Variants in GRIN2B observed in about 807,000 individuals in gnomAD.
The protein encoded by GRIN2B is glutamate ionotropic receptor NMDA type subunit 2B.
In GRIN2B, 5 loss-of-function variants were observed where a neutral mutation model predicts 114.5. That is an observed-to-expected ratio of 0.04 (90% CI 0.02 to 0.09). GRIN2B has a LOEUF of 0.09. Ranked by LOEUF, GRIN2B falls within the 10% of genes least tolerant of loss-of-function variation. The pLI is 1.00. For synonymous variants in GRIN2B, 787 were observed against 745.1 expected (o/e 1.06, Z -0.92); for missense variants, 1,108 against 1,943.5 (o/e 0.57, Z 8.08).
intron 3 of GRIN2B, among the ~76,000 whole-genome samples, chr12:13,779,810 C>T (rs754742988): frequency 5.9e-5 from 9 of 152,170 alleles, no homozygotes; most frequent in Non-Finnish European, 1.2e-4. Flanking sequence ...TGCTCAAGCT[C>T]GGGTAAATAA....
intron 4 of GRIN2B, among the ~76,000 whole-genome samples, chr12:13,690,163 G>T (rs887371192): frequency 6.6e-6 from 1 of 151,978 alleles, no homozygotes; most frequent in East Asian, 1.9e-4. Flanking sequence ...CTAGTATCTT[G>T]CTTGTGGTAA....
intron 3 of GRIN2B, among the ~76,000 whole-genome samples, chr12:13,757,226 C>A (rs996577321): frequency 6.6e-6 from 1 of 152,092 alleles, no homozygotes; most frequent in African/African-American, 2.4e-5. Context: ...ATAGCTTGGG[C>A]CAATGTTTCC....
chr12:13,963,656 T>G (rs1401656458), intron 2 of GRIN2B, among the ~76,000 whole-genome samples: 1 of 152,148 alleles, frequency 6.6e-6, no homozygotes, highest in Admixed American at 6.5e-5. Context: ...CCAAAGTCAC[T>G]CGGTGGCAAT....
intron 4 of GRIN2B, among the ~76,000 whole-genome samples, chr12:13,706,823 G>A (rs1235982533): frequency 6.6e-6 from 1 of 152,078 alleles, no homozygotes; most frequent in Non-Finnish European, 1.5e-5. Flanking sequence ...GGCCTGCCTT[G>A]TTCCAAGGCA....
chr12:13,903,572 A>G (rs1460248797), intron 2 of GRIN2B, among the ~76,000 whole-genome samples: 1 of 152,140 alleles, frequency 6.6e-6, no homozygotes, highest in Non-Finnish European at 1.5e-5. Context: ...AGGAAGAACA[A>G]GGTCTTCCTG....
intron 3 of GRIN2B, among the ~76,000 whole-genome samples, chr12:13,825,195 G>A (rs1423892423): frequency 1.3e-5 from 2 of 151,718 alleles, no homozygotes; most frequent in African/African-American, 4.8e-5. Flanking sequence ...GCATTACTTA[G>A]AAGTTTAATG....
chr12:13,608,088 C>T (rs1224506419), intron 10 of GRIN2B, among the ~76,000 whole-genome samples: 1 of 152,180 alleles, frequency 6.6e-6, no homozygotes. Flanking sequence ...GGGCAATCAT[C>T]CAAATCATCC....
At chr12:13,844,393 C>T (rs531120140) in intron 3 of GRIN2B, among the ~76,000 whole-genome samples, 9 of 152,228 alleles carry the variant, frequency 5.9e-5, no homozygotes, top group African/African-American at 2.2e-4. Flanking sequence ...GTTAACATAC[C>T]CATAGCTTCT....
At chr12:13,855,160 G>A (rs911232193) in intron 3 of GRIN2B, among the ~76,000 whole-genome samples, 1 of 152,062 alleles carries the variant, frequency 6.6e-6, no homozygotes, top group African/African-American at 2.4e-5. Flanking sequence ...AAAGGCTTCA[G>A]TGAGCCGAGA....
chr12:13,906,835 T>C (rs1233130683), intron 2 of GRIN2B, among the ~76,000 whole-genome samples: 1 of 152,208 alleles, frequency 6.6e-6, no homozygotes, highest in Non-Finnish European at 1.5e-5. Context: ...GTATTTAATA[T>C]AATGTAATTT....
At chr12:13,859,396 A>G (rs995762414) in intron 3 of GRIN2B, among the ~76,000 whole-genome samples, 1 of 152,212 alleles carries the variant, frequency 6.6e-6, no homozygotes, top group African/African-American at 2.4e-5. Context: ...CCTAAAGAAA[A>G]TCCTAGCTCC....
At chr12:13,901,479 T>C (rs1054493697) in intron 2 of GRIN2B, among the ~76,000 whole-genome samples, 1 of 152,140 alleles carries the variant, frequency 6.6e-6, no homozygotes, top group Admixed American at 6.5e-5. Flanking sequence ...GTCTATCTAA[T>C]ATGGTATCCA....
At chr12:13,964,241 G>A (rs1420050925) in intron 2 of GRIN2B, among the ~76,000 whole-genome samples, 1 of 152,070 alleles carries the variant, frequency 6.6e-6, no homozygotes, top group Non-Finnish European at 1.5e-5. Context: ...CAGATAGCTG[G>A]GCTCCTACAT....
rs141725474 is a variant in GRIN2B, at chr12:13,666,044, C to T, written c.1125+9701G>A. Among the ~76,000 whole-genome samples the T allele has an allele frequency of 2.2e-3, 335 of 152,196 alleles. 6 individuals carry two copies. The East Asian group carries it at 0.061, about 28-fold the overall frequency. On this transcript the variant is annotated intron_variant, in intron 5 of 13. Transcript: ENST00000609686. ...ACCTCAGAAGACATCTGACAGCAAA[C>T]GCTTGAGCTAGAAAAACATGGAAAG...
At chr12:13,728,489 A>T (rs1863030629) in intron 4 of GRIN2B, among the ~76,000 whole-genome samples, 1 of 152,152 alleles carries the variant, frequency 6.6e-6, no homozygotes, top group Admixed American at 6.5e-5. Flanking sequence ...AGGTAATCTG[A>T]TACCTAAGGA....
intron 10 of GRIN2B, among the ~76,000 whole-genome samples, chr12:13,605,071 CTT>C (rs35062527): frequency 1.4e-5 from 2 of 143,036 alleles, no homozygotes; most frequent in Non-Finnish European, 1.5e-5. Context: ...CCCACAGACT[CTT>C]TTTTTTTTTT....
chr12:13,617,158 T>C (rs928348954), intron 5 of GRIN2B, among the ~76,000 whole-genome samples: 1 of 152,252 alleles, frequency 6.6e-6, no homozygotes, highest in Non-Finnish European at 1.5e-5. Flanking sequence ...GCCAAAATGA[T>C]GTGTTTTGGC....
chr12:13,669,826 A>T (rs140365171), intron 5 of GRIN2B, among the ~76,000 whole-genome samples: 1 of 152,078 alleles, frequency 6.6e-6, no homozygotes, highest in Non-Finnish European at 1.5e-5. Context: ...ATTGACCTCT[A>T]TTGTATAAAC....
At chr12:13,596,451 A>G (rs549753489) in intron 10 of GRIN2B, among the ~76,000 whole-genome samples, 2 of 152,278 alleles carry the variant, frequency 1.3e-5, no homozygotes, top group African/African-American at 4.8e-5. Flanking sequence ...GAAACTAAAC[A>G]CTGCTCTTGC....
Sources: gnomAD v4.1 joint callset for allele counts (sites outside exome capture counted in the v4.1 genomes callset) on GRCh38, gnomAD v4.1.1 for gene constraint, MANE v1.5 for transcripts, NCBI Gene and HGNC (gene_info 2026-07-23, HGNC 2026-07-21) for gene names.